The following TENM2 variants were observed in gnomAD, a reference collection of about 807,000 sequenced individuals.
The protein encoded by TENM2 is teneurin-2.
In TENM2, 52 loss-of-function variants were observed where a neutral mutation model predicts 245.2. That is an observed-to-expected ratio of 0.21 (90% CI 0.17 to 0.27). The LOEUF is 0.27. Ranked by LOEUF, TENM2 falls within the 10% of genes least tolerant of loss-of-function variation. The pLI is 1.00. For synonymous variants in TENM2, 1,363 were observed against 1,438.9 expected (o/e 0.95, Z 1.19); for missense variants, 3,046 against 3,666.8 (o/e 0.83, Z 4.37).
intron 2 of TENM2, among the ~76,000 whole-genome samples, chr5:167,547,093 TTATTA>T (rs1772608980): frequency 6.6e-6 from 1 of 152,138 alleles, no homozygotes; most frequent in Non-Finnish European, 1.5e-5. Flanking sequence ...CTTATTATTA[TTATTA>T]TTTTGAGACA....
chr5:167,905,460 C>G (rs774597701), intron 3 of TENM2, among the ~76,000 whole-genome samples: 4 of 152,170 alleles, frequency 2.6e-5, no homozygotes, highest in Admixed American at 6.5e-5. Context: ...CTGTCAGTAG[C>G]TGGGCTAAGG....
chr5:167,444,839 G>A (rs1022434498), intron 2 of TENM2, among the ~76,000 whole-genome samples: 3 of 152,046 alleles, frequency 2.0e-5, no homozygotes, highest in Non-Finnish European at 4.4e-5. Context: ...CTGAAAATAC[G>A]ATTCTAGGAA....
chr5:167,669,862 G>GT (rs5873056), intron 2 of TENM2, among the ~76,000 whole-genome samples: 43,093 of 148,084 alleles, frequency 0.29, 8,001 homozygotes, highest in East Asian at 0.86. Flanking sequence ...CACTTTTGAG[G>GT]TTTTTTTTTT....
intron 2 of TENM2, among the ~76,000 whole-genome samples, chr5:167,522,845 C>G (rs1029954607): frequency 1.4e-4 from 21 of 152,198 alleles, no homozygotes; most frequent in African/African-American, 4.3e-4. Flanking sequence ...AGTGATTTCA[C>G]CTAGGCAGCT....
chr5:167,375,295 C>T, exon 2 of TENM2: 1 of 1,551,720 alleles, frequency 6.4e-7, no homozygotes, highest in Non-Finnish European at 8.7e-7. Context: ...AGGGCTACTC[C>T]CTTAGCACAG....
chr5:167,039,846 GA>G, the TENM2 span, among the ~76,000 whole-genome samples: 6 of 151,554 alleles, frequency 4.0e-5, no homozygotes, highest in African/African-American at 1.2e-4. Context: ...AATGAAGAAA[GA>G]AAAAAAAGCA....
At chr5:167,044,567 G>T in the TENM2 span, among the ~76,000 whole-genome samples, 1 of 152,120 alleles carries the variant, frequency 6.6e-6, no homozygotes, top group African/African-American at 2.4e-5. Flanking sequence ...GTGGCCATCT[G>T]AGATCACATA....
At chr5:167,570,479 A>G (rs1334130633) in intron 2 of TENM2, among the ~76,000 whole-genome samples, 2 of 152,154 alleles carry the variant, frequency 1.3e-5, no homozygotes, top group South Asian at 2.1e-4. Flanking sequence ...GCACTAATAG[A>G]AAAGTATTTG....
intron 2 of TENM2, among the ~76,000 whole-genome samples, chr5:167,515,669 G>GTATATATAGACACATATATACGTATATA: frequency 1.3e-5 from 1 of 78,850 alleles, no homozygotes; most frequent in Non-Finnish European, 2.5e-5. Flanking sequence ...ACGTATATAT[G>GTATATATAGACACATATATACGTATATA]TGTATATATA....
chr5:167,540,131 A>T (rs1772107914), intron 2 of TENM2, among the ~76,000 whole-genome samples: 1 of 152,210 alleles, frequency 6.6e-6, no homozygotes, highest in Non-Finnish European at 1.5e-5. Flanking sequence ...CTCAAGCAAC[A>T]AGGAAGCAAG....
At chr5:167,313,288 C>G (rs903834446) in intron 1 of TENM2, among the ~76,000 whole-genome samples, 4 of 152,064 alleles carry the variant, frequency 2.6e-5, no homozygotes, top group African/African-American at 9.7e-5. Context: ...GGTGTACAAT[C>G]TTTTGGCTTC....
intron 2 of TENM2, among the ~76,000 whole-genome samples, chr5:167,750,978 A>G (rs1761923443): frequency 6.6e-6 from 1 of 152,180 alleles, no homozygotes; most frequent in African/African-American, 2.4e-5. Flanking sequence ...TGACTTGCAT[A>G]TGATATCAGG....
the TENM2 span, among the ~76,000 whole-genome samples, chr5:167,275,047 T>C: frequency 6.6e-6 from 1 of 152,032 alleles, no homozygotes; most frequent in African/African-American, 2.4e-5. Context: ...TAAACTAAAT[T>C]AAGGAGTTTT....
rs946633758 is a variant in TENM2 at position 168,080,910 on chromosome 5, G to T, written c.1516-9664G>T. On this transcript the variant is annotated intron_variant, in intron 7 of 28. Transcript: ENST00000518659. ...TGCTGAGAAGAATGTATATTTTGTT[G>T]ATTTGGGATGGAGAGTTCTGTAGAT... 2.0e-5 allele frequency among the ~76,000 whole-genome samples: 3 copies of T among 152,186 alleles called. No homozygotes were observed. In the East Asian group the frequency reaches 5.8e-4, roughly 29 times the overall value.
chr5:167,571,624 G>C (rs1447030204), intron 2 of TENM2, among the ~76,000 whole-genome samples: 2 of 152,108 alleles, frequency 1.3e-5, no homozygotes, highest in Non-Finnish European at 2.9e-5. Context: ...AGCACTGATA[G>C]CCATTTGTAG....
chr5:168,015,515 C>T lies in TENM2; in HGVS notation c.1186+22333C>T, dbSNP rs144660715. 6.2e-4 allele frequency among the ~76,000 whole-genome samples: 95 copies of T among 152,276 alleles called. 1 individual carries two copies. The highest frequency in any genetic ancestry group is 2.2e-3 in the African/African-American group (91 of 41,558). Reference sequence around the variant, plus strand: ...TTGAACTGACAGAAGCTTCTAGAATCGGAAAGAGAAAGAATGCCGCAAAGA... The same window carrying T: ...TTGAACTGACAGAAGCTTCTAGAATTGGAAAGAGAAAGAATGCCGCAAAGA... On this transcript the variant is annotated intron_variant, in intron 5 of 28. Coordinates refer to ENST00000518659, the Ensembl canonical transcript of TENM2.
rs538466914 is a variant in TENM2, at chr5:168,048,562, G to A, written c.1309+1013G>A. ...TCTCTGAGAAACTCAGGACCAGAAG[G>A]TATAGAAACTTACTCAAATAGGTAC... On this transcript the variant is annotated intron_variant, in intron 6 of 28. Coordinates refer to ENST00000518659, the Ensembl canonical transcript of TENM2. Among the ~76,000 whole-genome samples, 26 of 152,270 alleles carry A rather than the reference G, an allele frequency of 1.7e-4. No homozygotes were observed. In the South Asian group the frequency reaches 5.2e-3, roughly 30 times the overall value.
chr5:167,103,368 A>C, the TENM2 span, among the ~76,000 whole-genome samples: 3 of 152,234 alleles, frequency 2.0e-5, no homozygotes, highest in Admixed American at 2.0e-4. Context: ...TGTAAGTGAA[A>C]GTCTGAATAA....
At chr5:168,249,836 GCA>G (rs1298303796) in intron 27 of TENM2, among the ~76,000 whole-genome samples, 2 of 152,038 alleles carry the variant, frequency 1.3e-5, no homozygotes, top group Admixed American at 6.6e-5. Flanking sequence ...TCCAGCCTGC[GCA>G]CAGAGTGAGA....
Sources: gnomAD v4.1 joint callset for allele counts (sites outside exome capture counted in the v4.1 genomes callset) on GRCh38, gnomAD v4.1.1 for gene constraint, MANE v1.5 for transcripts, NCBI Gene and HGNC (gene_info 2026-07-23, HGNC 2026-07-21) for gene names.